Variants in CFAP251 observed in about 807,000 individuals in gnomAD.
CFAP251 encodes cilia and flagella associated protein 251, also known as cilia- and flagella-associated protein 251.
CFAP251 carries 93 observed loss-of-function variants against 126.7 expected under a neutral mutation model. That is an observed-to-expected ratio of 0.73 (90% confidence interval 0.62 to 0.87). The LOEUF (loss-of-function observed/expected upper bound fraction) is 0.87, where lower values mean the gene tolerates loss of function less well. Ranked by LOEUF, CFAP251 falls within the 40% of genes least tolerant of loss-of-function variation. The probability of loss-of-function intolerance (pLI) is 0.00; values close to 1 mark genes in which losing one functional copy is unlikely to be tolerated. For synonymous variants in CFAP251, 503 were observed against 506.9 expected (o/e 0.99, Z 0.10); for missense variants, 1,287 against 1,389.2 (o/e 0.93, Z 1.17).
chr12:121,960,717 A>C lies in CFAP251; in HGVS notation c.2266A>C (p.Asn756His). 6.2e-7 allele frequency: 1 copy of C among 1,613,860 alleles called. No homozygotes were observed. The highest frequency in any genetic ancestry group is 8.5e-7 in the Non-Finnish European group (1 of 1,179,892). Residue 756 changes from asparagine (N) to histidine (H), a missense_variant, in exon 14 of 22, where the codon AAT becomes CAT. Physicochemically the swap from Asn to His is moderately conservative, Grantham distance 68. Coordinates refer to ENST00000288912, the MANE Select transcript of CFAP251 (RefSeq NM_144668.6). Reference sequence around the variant, plus strand: ...CCTGTTTGGGGTTTACCTGGACAGCAATGAGCCTAGACTGCTGAGCCTTGG... The same window carrying C: ...CCTGTTTGGGGTTTACCTGGACAGCCATGAGCCTAGACTGCTGAGCCTTGG... ...SLLFGVYLDS[N>H]EPRLLSLGTD...
chr12:121,953,150 AC>A (rs1881592539), intron 9 of CFAP251: 1 of 152,256 alleles, frequency 6.6e-6, no homozygotes, highest in African/African-American at 2.4e-5. Context: ...TCCATAAAGC[AC>A]ATCACAGCAT....
intron 19 of CFAP251, among the ~76,000 whole-genome samples, chr12:121,991,082 A>G (rs1259927697): frequency 6.6e-6 from 1 of 152,238 alleles, no homozygotes; most frequent in African/African-American, 2.4e-5. Context: ...AGGGCACTAA[A>G]TGATTATTCT....
At chr12:121,993,811 C>T (rs1464513269) in intron 19 of CFAP251, among the ~76,000 whole-genome samples, 2 of 143,882 alleles carry the variant, frequency 1.4e-5, no homozygotes, top group African/African-American at 2.6e-5. Flanking sequence ...GGTCAGCCCC[C>T]CGCCCGGCCA....
chr12:121,978,285 T>C (rs1882522263), intron 19 of CFAP251, among the ~76,000 whole-genome samples: 1 of 148,494 alleles, frequency 6.7e-6, no homozygotes, highest in African/African-American at 2.5e-5. Context: ...TCCCAGCTAC[T>C]CAGGAGGCTG....
rs865834261 is a variant in CFAP251 at position 121,921,345 on chromosome 12, G to A, written c.40G>A (p.Glu14Lys). ...AAEAPREATG[E>K]NGETEMKEEE... The stretch of plus-strand genomic sequence containing the variant: ...AGAAGCTCCCCGAGAAGCAACAGGA[G>A]AAAATGGAGAAACAGAAATGAAAGA... The change falls in exon 2 of 22, where the codon GAA (glutamate) becomes AAA (lysine). Residue 14 changes from glutamate (E) to lysine (K), a missense_variant. Glu to Lys is a moderately conservative substitution (Grantham distance 56, BLOSUM62 1). Transcript: ENST00000288912. 1 of 1,605,896 alleles carries A rather than the reference G, an allele frequency of 6.2e-7. No homozygotes were observed. The highest frequency in any genetic ancestry group is 8.5e-7 in the Non-Finnish European group (1 of 1,177,846).
At chr12:121,998,058 AT>A (rs906428752) in intron 19 of CFAP251, 18 of 141,980 alleles carry the variant, frequency 1.3e-4, no homozygotes, top group South Asian at 2.2e-4. Context: ...GCCTCAATTG[AT>A]TTTTTTTTTA....
chr12:121,957,264 T>G lies in CFAP251; in HGVS notation c.1726T>G (p.Leu576Val). 1.2e-6 allele frequency: 2 copies of G among 1,607,956 alleles called. No homozygotes were observed. The highest frequency in any genetic ancestry group is 1.7e-6 in the Non-Finnish European group (2 of 1,177,916). Residue 576 changes from leucine to valine, a missense_variant, in exon 11 of 22, where the codon TTA (leucine) becomes GTA (valine). Leu to Val is a conservative substitution (Grantham distance 32). Coordinates refer to ENST00000288912, the MANE Select transcript of CFAP251 (RefSeq NM_144668.6). ...CACTTTAAAAGGTGACCTTTTTGTC[T>G]TAAGGTAAGTTGTTAATGAATCTAG... ...DCTLKGDLFV[L>V]RNFIIGTSDA... is the part of the protein sequence containing the mutation.
At chr12:121,981,703 C>T (rs570300767) in intron 19 of CFAP251, among the ~76,000 whole-genome samples, 8 of 152,316 alleles carry the variant, frequency 5.3e-5, no homozygotes, top group Admixed American at 1.3e-4. Flanking sequence ...CCGTGCCTCT[C>T]GCAGTTCCTG....
chr12:121,958,543 TAC>T (rs1314080735), intron 12 of CFAP251, 21 bp downstream of exon 12: 1 of 1,613,638 alleles, frequency 6.2e-7, no homozygotes, highest in East Asian at 2.2e-5. Context: ...CTTATCAGCC[TAC>T]CATCGGTTCC....
intron 5 of CFAP251, among the ~76,000 whole-genome samples, chr12:121,934,682 C>G (rs982741627): frequency 1.3e-5 from 2 of 152,190 alleles, no homozygotes; most frequent in Middle Eastern, 3.2e-3. Context: ...CCATACATTT[C>G]TTGTTGGATA....
chr12:121,997,706 A>G (rs1452770527), intron 19 of CFAP251: 3 of 150,688 alleles, frequency 2.0e-5, no homozygotes, highest in African/African-American at 7.3e-5. Context: ...TTAATTTATT[A>G]TAATTATTGT....
chr12:121,937,735 T>C (rs2135758371), intron 5 of CFAP251, among the ~76,000 whole-genome samples: 1 of 152,180 alleles, frequency 6.6e-6, no homozygotes, highest in East Asian at 1.9e-4. Context: ...GGAACTGCTC[T>C]CCCACAGGTG....
rs1565913772 is a variant in CFAP251 at position 121,960,232 on chromosome 12, A to T, written c.2134-353A>T. ...TATTTTTGAAAAAAATATTCTTAGT[A>T]TTTTTTTTTTTGATAGGGTCCTGCT... On this transcript the variant is annotated intron_variant, in intron 13 of 21. Transcript: ENST00000288912. Among the ~76,000 whole-genome samples, 9 of 149,428 alleles carry T rather than the reference A, an allele frequency of 6.0e-5. No homozygotes were observed. The South Asian group carries it at 1.5e-3, about 25-fold the overall frequency.
intron 19 of CFAP251, among the ~76,000 whole-genome samples, chr12:121,976,010 T>G (rs1481068308): frequency 6.6e-6 from 1 of 151,452 alleles, no homozygotes; most frequent in Non-Finnish European, 1.5e-5. Context: ...AGGATTTTTT[T>G]CTTTTTTTTT....
At position 121,960,685 on chromosome 12, in the gene CFAP251, GAA is replaced by G; in HGVS notation, c.2235_2236del (p.Leu747ProfsTer10). The G allele has an allele frequency of 6.2e-7, 1 of 1,614,072 alleles. No homozygotes were observed. ...CTTCGCTCTCATCGCAAAAGCATTC[GAA>G]GTCTCCTGTTTGGGGTTTACCTGGA... On this transcript the variant is annotated frameshift_variant, in exon 14 of 22. Transcript: ENST00000288912. LOFTEE classifies it high-confidence loss of function.
chr12:121,938,660 AG>A (rs1198390219), intron 5 of CFAP251, among the ~76,000 whole-genome samples: 1 of 147,684 alleles, frequency 6.8e-6, no homozygotes, highest in Non-Finnish European at 1.5e-5. Context: ...AAATGATTTT[AG>A]TACATTTTAA....
intron 17 of CFAP251, chr12:121,969,006 G>A (rs1882245185): frequency 2.0e-6 from 2 of 985,280 alleles, no homozygotes; most frequent in South Asian, 4.7e-5. Context: ...GTGGCAGCCG[G>A]TTCCTGTTCC....
intron 3 of CFAP251, among the ~76,000 whole-genome samples, chr12:121,930,951 T>G (rs1212882328): frequency 6.6e-6 from 1 of 151,992 alleles, no homozygotes; most frequent in Non-Finnish European, 1.5e-5. Flanking sequence ...GTTTCACCAT[T>G]TTGGCCAGGC....
intron 3 of CFAP251, among the ~76,000 whole-genome samples, chr12:121,924,543 C>T (rs1262547599): frequency 3.3e-5 from 5 of 150,572 alleles, no homozygotes; most frequent in Non-Finnish European, 5.9e-5. Context: ...AGCGATTCTC[C>T]TGCCTCAGCC....
Sources: allele counts gnomAD v4.1 joint callset (sites outside exome capture counted in the v4.1 genomes callset), GRCh38; gene constraint gnomAD v4.1.1; transcripts MANE v1.5; gene names NCBI Gene and HGNC (gene_info 2026-07-23, HGNC 2026-07-21).